The following RHCG variants were observed in gnomAD, a reference collection of about 807,000 sequenced individuals.
RHCG encodes the protein Rh family C glycoprotein, also known as ammonium transporter Rh type C.
RHCG carries 39 observed loss-of-function variants against 55.3 expected under a neutral mutation model. The ratio of observed to expected loss-of-function variants is 0.70; its 90% confidence interval spans 0.55 to 0.92. RHCG has a LOEUF of 0.92. RHCG is among the 40% of genes least tolerant of loss of function. The probability of loss-of-function intolerance (pLI) is 0.00; values close to 1 mark genes in which losing one functional copy is unlikely to be tolerated. For missense variants in RHCG, 635 were observed against 627.9 expected, an observed-to-expected ratio of 1.01 and a Z score of -0.12; for synonymous variants, 250 against 246.8, an observed-to-expected ratio of 1.01 and a Z score of -0.12.
At position 89,476,815 on chromosome 15, in the gene RHCG, T is replaced by C; in HGVS notation, c.1251A>G (p.Arg417=). The change falls in exon 9 of 11, where the codon AGA becomes AGG. Residue 417 remains arginine, a synonymous_variant. Transcript: ENST00000268122. ...CTGAAGGTTGTCCCCAGAATGGTAA[T>C]CTCAAAATGAGCCCTACAGAAAGTT... ...MGGIIVGLIL[R]LPFWGQPSDE... The C allele has an allele frequency of 6.2e-7, 1 of 1,614,006 alleles. No individual in the cohort carries two copies. The highest frequency in any genetic ancestry group is 1.3e-5 in the African/African-American group (1 of 75,030).
rs1482939589 is a variant in RHCG at position 89,486,946 on chromosome 15, C to A, written c.224G>T (p.Gly75Val). ...DVHVMVFVGF[G>V]FLMTFLQRYG... ...GCGCTGCAGGAAAGTCATGAGGAAGCCGAAGCCCACGAAGACCATCACGTG... is the reference window on the plus strand; with the variant it reads ...GCGCTGCAGGAAAGTCATGAGGAAGACGAAGCCCACGAAGACCATCACGTG... The change falls in exon 2 of 11, where the codon GGC becomes GTC. Residue 75 changes from glycine to valine, a missense_variant. Transcript: ENST00000268122. 1 of 1,608,602 alleles carries A rather than the reference C, an allele frequency of 6.2e-7. No individual in the cohort carries two copies. The highest frequency in any genetic ancestry group is 1.7e-5 in the Admixed American group (1 of 59,716).
intron 1 of RHCG, among the ~76,000 whole-genome samples, chr15:89,493,881 C>T (rs1596410176): frequency 6.6e-6 from 1 of 152,232 alleles, no homozygotes; most frequent in African/African-American, 2.4e-5. Context: ...CATCACACCA[C>T]CTCCCTCACA....
intron 5 of RHCG, among the ~76,000 whole-genome samples, chr15:89,478,258 C>T (rs1253329015): frequency 1.3e-5 from 2 of 152,246 alleles, no homozygotes; most frequent in African/African-American, 4.8e-5. Context: ...TGACAACAAG[C>T]ACACTGTTGT....
intron 9 of RHCG, among the ~76,000 whole-genome samples, chr15:89,475,044 G>T (rs1473390182): frequency 2.0e-4 from 17 of 84,392 alleles, no homozygotes; most frequent in South Asian, 4.0e-4. Flanking sequence ...CTTCCTTCCT[G>T]CCCGCCTTCC....
Position 89,477,026 on chromosome 15 carries a change from A to G in RHCG, c.1237+56T>C. On this transcript the variant is annotated intron_variant, in intron 8 of 10. Transcript: ENST00000268122. The surrounding 1 kb of genome is among the most constrained non-coding windows in gnomAD (Gnocchi z 4.5). Reference sequence around the variant, plus strand: ...TGTGCCGCATGCCCTTTGCTTCTCCACCCAGGGAGCCCCACAGCAGCACCC... The same window carrying G: ...TGTGCCGCATGCCCTTTGCTTCTCCGCCCAGGGAGCCCCACAGCAGCACCC... 1 of 1,610,272 alleles carries G rather than the reference A, an allele frequency of 6.2e-7. No homozygotes were observed. The highest frequency in any genetic ancestry group is 2.2e-5 in the East Asian group (1 of 44,798).
At chr15:89,472,529 GTCTGAC>G (rs1300218811) in intron 10 of RHCG, among the ~76,000 whole-genome samples, 176 bp downstream of exon 10, 1 of 152,204 alleles carries the variant, frequency 6.6e-6, no homozygotes, top group Non-Finnish European at 1.5e-5. Context: ...GATGCACGTT[GTCTGAC>G]TCTAAGAAGC....
intron 5 of RHCG, 28 bp downstream of exon 5, chr15:89,479,294 G>T (rs1209358851): frequency 1.4e-5 from 22 of 1,599,128 alleles, no homozygotes; most frequent in Non-Finnish European, 1.7e-5. Flanking sequence ...GGCAGTCAGA[G>T]CCACACCCCC....
At chr15:89,484,835 T>G (rs191006659) in intron 2 of RHCG, among the ~76,000 whole-genome samples, 2 of 150,128 alleles carry the variant, frequency 1.3e-5, no homozygotes, top group Non-Finnish European at 3.0e-5. Context: ...TCCCTTGGGC[T>G]ATCAGCATTT....
chr15:89,479,709 A>C, intron 4 of RHCG: 1 of 547,178 alleles, frequency 1.8e-6, no homozygotes, highest in East Asian at 3.0e-5. Flanking sequence ...GTCTACCCTG[A>C]CCCCCATTTC....
intron 9 of RHCG, among the ~76,000 whole-genome samples, chr15:89,474,946 C>A (rs1393009580): frequency 3.7e-5 from 5 of 136,140 alleles, no homozygotes; most frequent in African/African-American, 1.7e-4. Flanking sequence ...GCCTTCCTGC[C>A]TTCATTCATT....
rs776245441 is a variant in RHCG, at chr15:89,472,747, G to C, written c.1428C>G (p.Pro476=). Residue 476 remains proline, a synonymous_variant, in exon 10 of 11, where the codon CCC becomes CCG. Coordinates refer to ENST00000268122, the MANE Select transcript of RHCG (RefSeq NM_016321.3). ...VSPLPMASSV[P]LVP ...CTGCCCTGGGAGCCTAGGGTACCAAGGGTACCGAGGAAGCCATGGGTAGTG... is the reference window on the plus strand; with the variant it reads ...CTGCCCTGGGAGCCTAGGGTACCAACGGTACCGAGGAAGCCATGGGTAGTG... 6.2e-7 allele frequency: 1 copy of C among 1,603,610 alleles called. No homozygotes were observed. Among genetic ancestry groups the C allele is most frequent in the Non-Finnish European group, 8.5e-7 (1 of 1,175,148 alleles).
chr15:89,472,883 C>T lies in RHCG; in HGVS notation c.1312-20G>A. On this transcript the variant is annotated intron_variant, in intron 9 of 10. Transcript: ENST00000268122. ...AGGCATCTACAGAGAGAGGATGCAA[C>T]TCTGAGGGCCCTGTCCCAGTCCAGG... 2.1e-6 allele frequency: 3 copies of T among 1,414,038 alleles called. No homozygotes were observed. The highest frequency in any genetic ancestry group is 2.8e-6 in the Non-Finnish European group (3 of 1,072,514). The allele number at this position is 1,414,038 out of a possible 1,614,324, so 87.6% of individuals were successfully genotyped here.
At position 89,477,334 on chromosome 15, in the gene RHCG, C is replaced by T. The variant is rs2141889334; in HGVS notation, c.1113-128G>A. ...CCACCCACAACATGGGGACACCGGA[C>T]ATATCAGTTGGCCTCTAAAACTCTA... On this transcript the variant is annotated intron_variant, in intron 7 of 10. Transcript: ENST00000268122. This position sits in a 1 kb window ranked among gnomAD's most constrained non-coding sequence, Gnocchi z 4.5. 2 of 1,426,786 alleles carry T rather than the reference C, an allele frequency of 1.4e-6. No homozygotes were observed. Among genetic ancestry groups the T allele is most frequent in the Non-Finnish European group, 1.9e-6 (2 of 1,038,814 alleles). 88.4% of individuals were successfully genotyped at this position (1,426,786 alleles called of 1,614,324 possible).
intron 2 of RHCG, 124 bp downstream of exon 2, chr15:89,486,675 G>C (rs1289028214): frequency 4.0e-6 from 3 of 753,110 alleles, no homozygotes; most frequent in African/African-American, 1.8e-5. Flanking sequence ...TGGCCCAAAG[G>C]AGGAGTTGCC....
Position 89,492,309 on chromosome 15 carries a change from C to T in RHCG, c.184+4052G>A, listed in dbSNP as rs188406830. Among the ~76,000 whole-genome samples, 57 of 152,284 alleles carry T rather than the reference C, an allele frequency of 3.7e-4. 1 individual carries two copies. Among genetic ancestry groups the T allele is most frequent in the Non-Finnish European group, 6.5e-4 (44 of 68,014 alleles). On this transcript the variant is annotated intron_variant, in intron 1 of 10. Transcript: ENST00000268122. ...GAGTCCCCCACCAGGCTGGCTGAGT[C>T]TAGGGGAACAAAGTGTCCCACACTA...
At chr15:89,474,944 G>A (rs1387519011) in intron 9 of RHCG, among the ~76,000 whole-genome samples, 2 of 107,252 alleles carry the variant, frequency 1.9e-5, no homozygotes, top group Non-Finnish European at 3.6e-5. Flanking sequence ...CTGCCTTCCT[G>A]CCTTCATTCA....
chr15:89,486,485 C>T, intron 2 of RHCG: 1 of 476,510 alleles, frequency 2.1e-6, no homozygotes, highest in South Asian at 1.5e-5. Flanking sequence ...GGAAGGGAGA[C>T]CCTCCTATGT....
chr15:89,494,223 T>C (rs1961526247), intron 1 of RHCG, among the ~76,000 whole-genome samples: 1 of 152,030 alleles, frequency 6.6e-6, no homozygotes, highest in Non-Finnish European at 1.5e-5. Context: ...CAGGAAGCCA[T>C]CACAGATCAC....
intron 5 of RHCG, 123 bp from the exon 6 acceptor site, chr15:89,478,097 G>A: frequency 7.7e-7 from 1 of 1,302,784 alleles, no homozygotes; most frequent in South Asian, 1.5e-5. Flanking sequence ...GGATGGCTGG[G>A]AGTTCACCTC....
Sources: allele counts gnomAD v4.1 joint callset (sites outside exome capture counted in the v4.1 genomes callset), GRCh38; gene constraint gnomAD v4.1.1; non-coding constraint Gnocchi (gnomAD v3.1); transcripts MANE v1.5; gene names NCBI Gene and HGNC (gene_info 2026-07-23, HGNC 2026-07-21).